CD160: variants seen among roughly 807,000 people sequenced by gnomAD.
The protein encoded by CD160 is CD160 molecule.
Under a neutral mutation model 19.2 loss-of-function variants are expected in CD160, and 11 were observed. That is an observed-to-expected ratio of 0.57 (90% CI 0.36 to 0.95). The LOEUF (loss-of-function observed/expected upper bound fraction) is 0.95. CD160 is among the 40% of genes least tolerant of loss of function. CD160 has a pLI of 0.01. For synonymous variants in CD160, 75 were observed against 81.1 expected (o/e 0.93, Z 0.40); for missense variants, 182 against 213.2 (o/e 0.85, Z 0.91).
intron 1 of CD160, among the ~76,000 whole-genome samples, chr1:145,723,840 A>C (rs1050721944): frequency 1.3e-5 from 2 of 152,044 alleles, no homozygotes; most frequent in Admixed American, 1.3e-4. Flanking sequence ...CGCCTCCCAA[A>C]GTGCTGGGAT....
chr1:145,738,764 T>C lies in CD160; in HGVS notation c.*271T>C. 1 of 318,992 alleles carries C rather than the reference T, an allele frequency of 3.1e-6. No individual in the cohort carries two copies. Among genetic ancestry groups the C allele is most frequent in the Non-Finnish European group, 5.7e-6 (1 of 174,850 alleles). The allele number at this position is 318,992 out of a possible 1,614,324, so 19.8% of individuals were successfully genotyped here. ...GCTTTCACCAAAGTGGGTAGTATAG[T>C]CCTCAAATATCGGATAAATATATGC... On this transcript the variant is annotated 3_prime_UTR_variant, in exon 6 of 6. Coordinates refer to ENST00000369288, the MANE Select transcript of CD160 (RefSeq NM_007053.4).
At chr1:145,735,942 A>G in intron 4 of CD160, 55 bp from the exon 5 acceptor site, 10 of 1,207,180 alleles carry the variant, frequency 8.3e-6, no homozygotes, top group South Asian at 2.7e-5. Context: ...ATGCAAAAGG[A>G]GATACTGATG....
rs1657124056 is a variant in CD160, at chr1:145,728,126, G to T, written c.-72-130G>T. On this transcript the variant is annotated intron_variant, in intron 2 of 5. Coordinates refer to ENST00000369288, the MANE Select transcript of CD160 (RefSeq NM_007053.4). ...GGTTTACCGCCTCACTTCCCAGCCA[G>T]CTGGACTCTCATGCCCAAGCCCTCC... The T allele has an allele frequency of 2.6e-5, 14 of 536,082 alleles. No homozygotes were observed. In the South Asian group the frequency reaches 2.7e-4, roughly 10 times the overall value. The allele number at this position is 536,082 out of a possible 1,614,324, so 33.2% of individuals were successfully genotyped here.
At chr1:145,726,699 G>A (rs1657064726) in intron 2 of CD160, among the ~76,000 whole-genome samples, 1 of 152,040 alleles carries the variant, frequency 6.6e-6, no homozygotes, top group African/African-American at 2.4e-5. Context: ...CCTGCACATT[G>A]TGCACATGTA....
At chr1:145,721,777 C>T (rs1656859724) in intron 1 of CD160, among the ~76,000 whole-genome samples, 2 of 152,176 alleles carry the variant, frequency 1.3e-5, no homozygotes, top group South Asian at 4.1e-4. Context: ...GTCACCAGCT[C>T]CCGAGAGCCC....
intron 4 of CD160, among the ~76,000 whole-genome samples, chr1:145,731,882 A>G (rs1273367616): frequency 3.3e-5 from 5 of 152,172 alleles, no homozygotes; most frequent in African/African-American, 1.2e-4. Context: ...AAAAATAAAA[A>G]AGTACAGCTG....
chr1:145,726,100 G>C (rs183811821), intron 2 of CD160, among the ~76,000 whole-genome samples: 1 of 152,298 alleles, frequency 6.6e-6, no homozygotes. Context: ...TGCTGGAGAA[G>C]ATGTGGAGAA....
intron 4 of CD160, 142 bp downstream of exon 4, chr1:145,731,212 T>C (rs1486114588): frequency 1.4e-6 from 1 of 698,778 alleles, no homozygotes; most frequent in East Asian, 2.5e-5. Flanking sequence ...TGGCAGATGC[T>C]GCCTTTCTTC....
chr1:145,723,994 A>G (rs1252618630), intron 1 of CD160, among the ~76,000 whole-genome samples: 1 of 152,184 alleles, frequency 6.6e-6, no homozygotes, highest in Non-Finnish European at 1.5e-5. Context: ...GGGACAGGGT[A>G]TGTGCATTTG....
In CD160 at chr1:145,731,657, C is replaced by A. The variant is rs138717571; in HGVS notation, c.400+587C>A. ...TGCACTCTATCTTGGGCAACTAGAG[C>A]GAAACTGTGTCTCAAAAAAATAAAA... On this transcript the variant is annotated intron_variant, in intron 4 of 5. Coordinates refer to ENST00000369288, the MANE Select transcript of CD160 (RefSeq NM_007053.4). Among the ~76,000 whole-genome samples, 3 of 151,988 alleles carry A rather than the reference C, an allele frequency of 2.0e-5. No homozygotes were observed. In the East Asian group the frequency reaches 5.8e-4, roughly 29 times the overall value.
intron 1 of CD160, 100 bp from the exon 2 acceptor site, chr1:145,724,701 C>T (rs912057639): frequency 2.0e-5 from 3 of 152,082 alleles, no homozygotes; most frequent in Non-Finnish European, 4.4e-5. Context: ...AAAAATGAAA[C>T]CTTATTCCAT....
intron 4 of CD160, among the ~76,000 whole-genome samples, chr1:145,734,048 CTCCT>C (rs1657394085): frequency 1.3e-5 from 2 of 152,178 alleles, no homozygotes; most frequent in Non-Finnish European, 1.5e-5. Flanking sequence ...ACTTTGGTTC[CTCCT>C]TTTTTCTTAA....
intron 5 of CD160, chr1:145,736,685 T>G (rs16827163): frequency 0.014 from 2,210 of 160,254 alleles, 62 homozygotes; most frequent in African/African-American, 0.051. Context: ...AGCAACTGAT[T>G]CAGGTTTTTG....
At chr1:145,722,743 C>T (rs1296377219) in intron 1 of CD160, among the ~76,000 whole-genome samples, 1 of 152,194 alleles carries the variant, frequency 6.6e-6, no homozygotes, top group Admixed American at 6.5e-5. Flanking sequence ...AGGCGCCCGC[C>T]ACCACGCCCG....
rs1460667834 is a variant in CD160 at position 145,730,869 on chromosome 1, G to A, written c.199G>A (p.Asp67Asn). 1.2e-6 allele frequency: 2 copies of A among 1,613,992 alleles called. No homozygotes were observed. The highest frequency in any genetic ancestry group is 3.3e-5 in the Admixed American group (2 of 60,030). Reference sequence around the variant, plus strand: ...GTTTTTGTGCAAGGACAGGTCTGGAGACTGTTCTCCTGAGACCAGTTTAAA... The same window carrying A: ...GTTTTTGTGCAAGGACAGGTCTGGAAACTGTTCTCCTGAGACCAGTTTAAA... ...VVFLCKDRSG[D>N]CSPETSLKQL... is the part of the protein sequence containing the mutation. Residue 67 changes from aspartate (D) to asparagine (N), a missense_variant, in exon 4 of 6, where the codon GAC becomes AAC. Coordinates refer to ENST00000369288, the MANE Select transcript of CD160 (RefSeq NM_007053.4).
intron 1 of CD160, among the ~76,000 whole-genome samples, chr1:145,721,510 G>A (rs1656847176): frequency 6.6e-6 from 1 of 152,022 alleles, no homozygotes; most frequent in Non-Finnish European, 1.5e-5. Context: ...TCTTCAACTC[G>A]GCCCTAGGCA....
At chr1:145,736,251 T>C (rs2101412193) in intron 5 of CD160, 117 bp downstream of exon 5, 4 of 1,566,972 alleles carry the variant, frequency 2.6e-6, no homozygotes, top group Non-Finnish European at 8.7e-7. Context: ...GAGAGAAAAA[T>C]GTTACTCAAG....
Position 145,738,579 on chromosome 1 carries a change from A to G in CD160, c.*86A>G. 2.4e-6 allele frequency: 2 copies of G among 849,256 alleles called. No individual in the cohort carries two copies. The highest frequency in any genetic ancestry group is 3.3e-6 in the Non-Finnish European group (2 of 598,842). The allele number at this position is 849,256 out of a possible 1,614,324, so 52.6% of individuals were successfully genotyped here. A position where few individuals can be genotyped will look rare whatever the true frequency, so the allele number is the denominator to read the frequency against. Reference sequence around the variant, plus strand: ...GTATCTTTCTCATTACAATAGGCACAGAGAAGAATGCAACAGGGCACAGGG... The same window carrying G: ...GTATCTTTCTCATTACAATAGGCACGGAGAAGAATGCAACAGGGCACAGGG... On this transcript the variant is annotated 3_prime_UTR_variant, in exon 6 of 6. Coordinates refer to ENST00000369288, the MANE Select transcript of CD160 (RefSeq NM_007053.4).
intron 4 of CD160, among the ~76,000 whole-genome samples, chr1:145,732,728 A>G (rs1657344481): frequency 6.6e-6 from 1 of 152,214 alleles, no homozygotes; most frequent in African/African-American, 2.4e-5. Flanking sequence ...CTCTAGAAAA[A>G]ACTAAATTTT....
Sources: gnomAD v4.1 joint callset for allele counts (sites outside exome capture counted in the v4.1 genomes callset) on GRCh38, gnomAD v4.1.1 for gene constraint, MANE v1.5 for transcripts, NCBI Gene and HGNC (gene_info 2026-07-23, HGNC 2026-07-21) for gene names.